Variants in NRG3 observed in about 807,000 individuals in gnomAD.
The protein encoded by NRG3 is neuregulin 3.
Under a neutral mutation model 66.9 loss-of-function variants are expected in NRG3, and 31 were observed. That is an observed-to-expected ratio of 0.46 (90% CI 0.35 to 0.63). The LOEUF (loss-of-function observed/expected upper bound fraction) is 0.63. Among genes scored for constraint, NRG3 ranks in the 20% least tolerant of loss-of-function variants. The pLI is 0.00. For synonymous variants in NRG3, 393 were observed against 359.4 expected, an observed-to-expected ratio of 1.09 and a Z score of -1.06; for missense variants, 910 against 878.9, an observed-to-expected ratio of 1.04 and a Z score of -0.45.
intron 2 of NRG3, among the ~76,000 whole-genome samples, chr10:82,438,634 T>C (rs112010858): frequency 1.8e-3 from 273 of 152,336 alleles, no homozygotes; most frequent in African/African-American, 6.1e-3. Context: ...CTGCGCTTTC[T>C]GGGGTTGGGA....
At chr10:82,655,873 A>T (rs776613251) in intron 2 of NRG3, among the ~76,000 whole-genome samples, 1 of 152,176 alleles carries the variant, frequency 6.6e-6, no homozygotes, top group Admixed American at 6.5e-5. Context: ...AAACACACAC[A>T]AACAAGATGT....
intron 2 of NRG3, among the ~76,000 whole-genome samples, chr10:82,653,864 A>T (rs2051629666): frequency 6.6e-6 from 1 of 152,180 alleles, no homozygotes; most frequent in Non-Finnish European, 1.5e-5. Flanking sequence ...AATCACAGGA[A>T]CAAGAGGACT....
chr10:82,964,438 C>T (rs756789719), intron 6 of NRG3, among the ~76,000 whole-genome samples: 1 of 152,048 alleles, frequency 6.6e-6, no homozygotes, highest in African/African-American at 2.4e-5. Context: ...GAGGAGGTGG[C>T]GTTTTGTGCT....
chr10:81,879,535 A>T (rs900643375), intron 1 of NRG3, among the ~76,000 whole-genome samples: 2 of 152,206 alleles, frequency 1.3e-5, no homozygotes, highest in Non-Finnish European at 2.9e-5. Context: ...GCTAAATTCA[A>T]ATACTAAAGA....
At chr10:81,885,502 G>A (rs1279499393) in intron 1 of NRG3, among the ~76,000 whole-genome samples, 1 of 152,050 alleles carries the variant, frequency 6.6e-6, no homozygotes, top group Non-Finnish European at 1.5e-5. Context: ...TTCTGCCGGG[G>A]GTACTACAAA....
intron 1 of NRG3, among the ~76,000 whole-genome samples, chr10:82,357,047 A>C (rs968798799): frequency 3.3e-5 from 5 of 152,216 alleles, no homozygotes; most frequent in African/African-American, 4.8e-5. Context: ...TGAAAGTGAT[A>C]AGAGGCACTG....
intron 1 of NRG3, among the ~76,000 whole-genome samples, chr10:82,216,699 C>T (rs1363910877): frequency 6.6e-6 from 1 of 151,228 alleles, no homozygotes; most frequent in Non-Finnish European, 1.5e-5. Context: ...TCTTCAGTCT[C>T]ATAGCTACAG....
rs117566118 is a variant in NRG3 at position 82,458,921 on chromosome 10, G to A, written c.953+100053G>A. 2.6e-4 allele frequency among the ~76,000 whole-genome samples: 39 copies of A among 152,212 alleles called. No homozygotes were observed. In the East Asian group the frequency reaches 7.0e-3, roughly 27 times the overall value. Reference sequence around the variant, plus strand: ...ATATTCATGCTCAGAATTTTCAGCTGCATTGCCTCCACTGGAGGAAACAGA... The same window carrying A: ...ATATTCATGCTCAGAATTTTCAGCTACATTGCCTCCACTGGAGGAAACAGA... On this transcript the variant is annotated intron_variant, in intron 2 of 8. Transcript: ENST00000372141.
chr10:82,898,832 C>T (rs1293614586), intron 4 of NRG3, among the ~76,000 whole-genome samples: 1 of 140,406 alleles, frequency 7.1e-6, no homozygotes, highest in African/African-American at 2.7e-5. Context: ...CGCCATTTTT[C>T]TGCCTCAGCC....
At chr10:82,003,182 C>T (rs1035253511) in intron 1 of NRG3, among the ~76,000 whole-genome samples, 1 of 151,980 alleles carries the variant, frequency 6.6e-6, no homozygotes, top group African/African-American at 2.4e-5. Flanking sequence ...GGGTAGGTGG[C>T]CTTGTGTTTA....
At chr10:82,105,491 A>G (rs1302168992) in intron 1 of NRG3, among the ~76,000 whole-genome samples, 1 of 152,178 alleles carries the variant, frequency 6.6e-6, no homozygotes, top group Non-Finnish European at 1.5e-5. Context: ...CTGGCATTGC[A>G]GCATTAATAT....
At chr10:82,341,350 G>A (rs150595478) in intron 1 of NRG3, among the ~76,000 whole-genome samples, 91 of 152,194 alleles carry the variant, frequency 6.0e-4, no homozygotes, top group African/African-American at 1.8e-3. Flanking sequence ...TCTTTATGGA[G>A]TTGGGCTTTT....
chr10:81,961,820 A>G (rs1486147540), intron 1 of NRG3, among the ~76,000 whole-genome samples: 1 of 152,244 alleles, frequency 6.6e-6, no homozygotes, highest in Middle Eastern at 3.2e-3. Flanking sequence ...TTTATTCTCT[A>G]TGAACTTGTC....
At chr10:81,959,978 T>A (rs1302167165) in intron 1 of NRG3, among the ~76,000 whole-genome samples, 2 of 152,202 alleles carry the variant, frequency 1.3e-5, no homozygotes, top group Non-Finnish European at 2.9e-5. Context: ...AATTTTCATA[T>A]ACTAAATTAA....
At chr10:82,738,925 G>A (rs1204129135) in intron 3 of NRG3, among the ~76,000 whole-genome samples, 1 of 152,114 alleles carries the variant, frequency 6.6e-6, no homozygotes, top group Admixed American at 6.6e-5. Context: ...CTTCTGCCCA[G>A]CCACGTACCA....
chr10:82,827,666 A>G (rs1374750059), intron 3 of NRG3, among the ~76,000 whole-genome samples: 2 of 152,218 alleles, frequency 1.3e-5, no homozygotes, highest in Non-Finnish European at 2.9e-5. Context: ...AATAGCTTTC[A>G]TAAATCAATT....
intron 3 of NRG3, among the ~76,000 whole-genome samples, chr10:82,740,808 A>G (rs2058385166): frequency 7.7e-6 from 1 of 129,398 alleles, no homozygotes; most frequent in Non-Finnish European, 1.6e-5. Context: ...TGGGTGACAG[A>G]GCAAGACTCT....
At chr10:82,664,770 C>T (rs2052634294) in intron 2 of NRG3, among the ~76,000 whole-genome samples, 1 of 151,864 alleles carries the variant, frequency 6.6e-6, no homozygotes, top group African/African-American at 2.4e-5. Flanking sequence ...TCCGTGTTCC[C>T]ACAGCATGCA....
At chr10:82,166,943 C>A in intron 1 of NRG3, 1 of 460,472 alleles carries the variant, frequency 2.2e-6, no homozygotes, top group Non-Finnish European at 3.9e-6. Context: ...TTCTTGCTCG[C>A]ATTATTTTGA....
Sources: allele counts gnomAD v4.1 joint callset (sites outside exome capture counted in the v4.1 genomes callset), GRCh38; gene constraint gnomAD v4.1.1; transcripts MANE v1.5; gene names NCBI Gene and HGNC (gene_info 2026-07-23, HGNC 2026-07-21).